Variants in AHRR observed in about 807,000 individuals in gnomAD.
AHRR encodes the protein aryl hydrocarbon receptor repressor.
AHRR carries 28 observed loss-of-function variants against 44.0 expected under a neutral mutation model. The ratio of observed to expected loss-of-function variants is 0.64; its 90% CI spans 0.47 to 0.87. The LOEUF (loss-of-function observed/expected upper bound fraction) is 0.87. Among genes scored for constraint, AHRR ranks in the 40% least tolerant of loss-of-function variants. AHRR has a pLI of 0.00. For missense variants in AHRR, 990 were observed against 953.9 expected, an observed-to-expected ratio of 1.04 and a Z score of -0.50; for synonymous variants, 434 against 407.0, an observed-to-expected ratio of 1.07 and a Z score of -0.80.
In AHRR at chr5:404,038, T is replaced by C. The variant is rs1199683804; in HGVS notation, c.352-9306T>C. On this transcript the variant is annotated intron_variant, in intron 4 of 10. Coordinates refer to ENST00000684583, the MANE Select transcript of AHRR (RefSeq NM_001377236.1). The surrounding 1 kb of genome is among the most constrained non-coding windows in gnomAD (Gnocchi z 4.1). ...TTTCTTAATCCACGGCTGAATCTGT[T>C]TAGTCTTTGCATCCAAATCATGTTG... 4 of 747,064 alleles carry C rather than the reference T, an allele frequency of 5.4e-6. No homozygotes were observed. The highest frequency in any genetic ancestry group is 7.2e-6 in the Non-Finnish European group (3 of 418,172). 46.3% of individuals were successfully genotyped at this position (747,064 alleles called of 1,614,324 possible).
intron 2 of AHRR, among the ~76,000 whole-genome samples, chr5:348,240 A>G (rs1298148116): frequency 6.6e-6 from 1 of 151,596 alleles, no homozygotes; most frequent in African/African-American, 2.4e-5. Flanking sequence ...AGCCTGTTTG[A>G]TGCTCCTTGT....
intron 8 of AHRR, among the ~76,000 whole-genome samples, chr5:429,078 T>C (rs1027685929): frequency 1.3e-5 from 2 of 152,230 alleles, no homozygotes; most frequent in Admixed American, 6.5e-5. Context: ...CCCTTGGGGA[T>C]TCGTGTCTAT....
rs1178573434 is a variant in AHRR, at chr5:353,837, T to A, written c.170T>A (p.Ile57Asn). The A allele has an allele frequency of 6.2e-7, 1 of 1,614,076 alleles. No individual in the cohort carries two copies. The highest frequency in any genetic ancestry group is 8.5e-7 in the Non-Finnish European group (1 of 1,180,010). Residue 57 changes from isoleucine to asparagine, a missense_variant, in exon 3 of 11, where the codon ATC becomes AAC. Transcript: ENST00000684583. ...LASLLPFPPD[I>N]ISKLDKLSVL... ...AGCCTGCTGCCGTTCCCGCCTGACA[T>A]CATCTCCAAGCTGGACAAGCTTTCT... is the stretch of plus-strand genomic sequence containing the variant.
chr5:332,982 A>G lies in AHRR; in HGVS notation c.-10-10911A>G, dbSNP rs143590040. Among the ~76,000 whole-genome samples, 824 of 131,970 alleles carry G rather than the reference A, an allele frequency of 6.2e-3. 3 individuals are homozygous for G. The highest frequency in any genetic ancestry group is 7.7e-3 in the Non-Finnish European group (504 of 65,678). 86.6% of individuals were successfully genotyped at this position (131,970 alleles called of 152,430 possible). A position where few individuals can be genotyped will look rare whatever the true frequency, so the allele number is the denominator to read the frequency against. On this transcript the variant is annotated intron_variant, in intron 1 of 10. Transcript: ENST00000684583. Reference sequence around the variant, plus strand: ...TGGCGTAAAGTCTGTTTTATCTGATATGAGTATAGCTACTGCTGTTCGCTT... The same window carrying G: ...TGGCGTAAAGTCTGTTTTATCTGATGTGAGTATAGCTACTGCTGTTCGCTT...
chr5:343,870 C>G (rs763855326), intron 1 of AHRR, 23 bp from the exon 2 acceptor site: 2 of 1,588,166 alleles, frequency 1.3e-6, no homozygotes, highest in Non-Finnish European at 1.7e-6. Context: ...GTTCCGGTGA[C>G]CGGGTGCCCC....
intron 3 of AHRR, among the ~76,000 whole-genome samples, chr5:371,406 C>T (rs1266670028): frequency 2.0e-5 from 3 of 152,212 alleles, no homozygotes; most frequent in African/African-American, 7.2e-5. Flanking sequence ...CAGTAGCTTC[C>T]CATCTGAGTC....
At chr5:403,665 T>A in intron 4 of AHRR, 3 of 627,986 alleles carry the variant, frequency 4.8e-6, no homozygotes, top group Admixed American at 5.2e-5. Context: ...GTAACCACTT[T>A]AAATAGTTAA....
chr5:400,555 G>GT (rs1396925905), intron 4 of AHRR, among the ~76,000 whole-genome samples: 1 of 151,672 alleles, frequency 6.6e-6, no homozygotes, highest in Non-Finnish European at 1.5e-5. Flanking sequence ...CATGGACCAC[G>GT]TTTAAAAAAA....
intron 4 of AHRR, among the ~76,000 whole-genome samples, chr5:403,411 G>C (rs868683944): frequency 2.0e-5 from 3 of 152,148 alleles, no homozygotes; most frequent in Non-Finnish European, 4.4e-5. Context: ...CAAGGCGGGT[G>C]GATCACCTGA....
Position 434,178 on chromosome 5 carries a change from C to T in AHRR, c.1438C>T (p.Leu480Phe), listed in dbSNP as rs761975842. The T allele has an allele frequency of 6.3e-7, 1 of 1,597,790 alleles. No homozygotes were observed. Among genetic ancestry groups the T allele is most frequent in the Admixed American group, 1.7e-5 (1 of 58,384 alleles). ...DVGEDQVHPP[L>F]CHFPQRSLQH... The stretch of plus-strand genomic sequence containing the variant: ...CGGTGAGGACCAGGTGCACCCTCCC[C>T]TCTGCCACTTTCCCCAGAGGAGCCT... Residue 480 changes from leucine to phenylalanine, a missense_variant, in exon 11 of 11, where the codon CTC becomes TTC. Physicochemically the swap from Leu to Phe is conservative, Grantham distance 22. Transcript: ENST00000684583.
At chr5:347,843 C>T (rs749454413) in intron 2 of AHRR, among the ~76,000 whole-genome samples, 9 of 152,232 alleles carry the variant, frequency 5.9e-5, no homozygotes, top group South Asian at 2.1e-4. Context: ...CCCTCTCCTG[C>T]GGTGGGGGCC....
chr5:393,879 C>G (rs1039043193), intron 4 of AHRR, among the ~76,000 whole-genome samples: 1 of 152,210 alleles, frequency 6.6e-6, no homozygotes. Context: ...CTTAAGTGAT[C>G]AGCCTCCCAA....
chr5:398,216 G>A (rs369484090), intron 4 of AHRR, among the ~76,000 whole-genome samples: 1,260 of 72,618 alleles, frequency 0.017, 52 homozygotes, highest in African/African-American at 0.022. Context: ...GACCATCCAC[G>A]TAGCTCCTGA....
intron 1 of AHRR, among the ~76,000 whole-genome samples, chr5:340,688 ATTTTTTTTTT>A (rs539789608): frequency 0.071 from 920 of 12,928 alleles, 70 homozygotes; most frequent in Non-Finnish European, 0.089. Context: ...ATATATATAT[ATTTTTTTTTT>A]TTTTTTTTTT....
At chr5:431,478 C>T (rs1300201893) in intron 8 of AHRR, among the ~76,000 whole-genome samples, 1 of 152,216 alleles carries the variant, frequency 6.6e-6, no homozygotes, top group Non-Finnish European at 1.5e-5. Flanking sequence ...CAGGATACAC[C>T]TTGTGGTCCA....
intron 7 of AHRR, among the ~76,000 whole-genome samples, chr5:427,051 GTGGATGGATGGGTGGA>G (rs1201736762): frequency 4.9e-5 from 7 of 141,654 alleles, no homozygotes; most frequent in African/African-American, 1.6e-4. Flanking sequence ...GGATGGGTGG[GTGGATGGATGGGTGGA>G]TGGATGGATG....
chr5:330,442 T>C (rs62330032), intron 1 of AHRR, among the ~76,000 whole-genome samples: 9,688 of 152,024 alleles, frequency 0.064, 408 homozygotes, highest in African/African-American at 0.11. Context: ...GGCACCATCT[T>C]GGCTCACTGT....
chr5:382,129 A>G (rs1734010091), intron 4 of AHRR, among the ~76,000 whole-genome samples: 1 of 152,076 alleles, frequency 6.6e-6, no homozygotes, highest in Non-Finnish European at 1.5e-5. Flanking sequence ...TTTTCTTGTA[A>G]TGTTTTTGTT....
chr5:403,858 A>G (rs955421254), intron 4 of AHRR: 17 of 1,584,536 alleles, frequency 1.1e-5, no homozygotes, highest in Admixed American at 5.0e-5. Context: ...AAGAACCCAC[A>G]TTAAAGCTTT....
Sources: gnomAD v4.1 joint callset for allele counts (sites outside exome capture counted in the v4.1 genomes callset) on GRCh38, gnomAD v4.1.1 for gene constraint, Gnocchi (gnomAD v3.1) non-coding constraint, MANE v1.5 for transcripts, NCBI Gene and HGNC (gene_info 2026-07-23, HGNC 2026-07-21) for gene names.